Variants in LDB2 observed in about 807,000 individuals in gnomAD.
LDB2 encodes the protein LIM domain-binding protein 2.
Under a neutral mutation model 44.3 loss-of-function variants are expected in LDB2, and 12 were observed. The observed-to-expected ratio is 0.27, with a 90% CI of 0.17 to 0.44. The LOEUF (loss-of-function observed/expected upper bound fraction) is 0.44, where lower values mean the gene tolerates loss of function less well. Ranked by LOEUF, LDB2 falls within the 20% of genes least tolerant of loss-of-function variation. The pLI, the probability that LDB2 is intolerant of heterozygous loss-of-function variation, is 1.00. For missense variants in LDB2, 344 were observed against 473.5 expected, an observed-to-expected ratio of 0.73 and a Z score of 2.54; for synonymous variants, 164 against 174.8, an observed-to-expected ratio of 0.94 and a Z score of 0.49.
At chr4:16,892,976 GT>G (rs1297010855) in intron 1 of LDB2, 1 of 407,158 alleles carries the variant, frequency 2.5e-6, no homozygotes, top group Non-Finnish European at 3.3e-6. Context: ...TGAATAGTTA[GT>G]TTGCAGCAAT....
chr4:16,657,771 T>C (rs1047657012), intron 2 of LDB2, among the ~76,000 whole-genome samples: 53 of 152,240 alleles, frequency 3.5e-4, no homozygotes, highest in African/African-American at 1.2e-3. Flanking sequence ...AACGAATGAA[T>C]GGATGTAGAT....
At chr4:16,683,631 G>A (rs568011812) in intron 2 of LDB2, among the ~76,000 whole-genome samples, 3 of 152,338 alleles carry the variant, frequency 2.0e-5, no homozygotes, top group African/African-American at 7.2e-5. Context: ...TTCTATCAGT[G>A]AAGACCATTG....
Position 16,882,641 on chromosome 4 carries a change from C to T in LDB2, c.132+15713G>A, listed in dbSNP as rs190604061. ...GATTTCAGCTTCTAACGAAAAATGTCTTGACGTATCCTTTCAGACAAACAC... is the reference window on the plus strand; with the variant it reads ...GATTTCAGCTTCTAACGAAAAATGTTTTGACGTATCCTTTCAGACAAACAC... On this transcript the variant is annotated intron_variant, in intron 1 of 7. Transcript: ENST00000304523. Among the ~76,000 whole-genome samples, 11 of 152,242 alleles carry T rather than the reference C, an allele frequency of 7.2e-5. No homozygotes were observed. The East Asian group carries it at 1.5e-3, about 21-fold the overall frequency.
At chr4:16,758,713 C>G (rs1767220473) in intron 2 of LDB2, among the ~76,000 whole-genome samples, 1 of 152,144 alleles carries the variant, frequency 6.6e-6, no homozygotes, top group Admixed American at 6.5e-5. Flanking sequence ...TAGCACTTGT[C>G]AAATAAATAC....
At chr4:16,802,177 T>A (rs958515032) in intron 1 of LDB2, among the ~76,000 whole-genome samples, 2 of 152,182 alleles carry the variant, frequency 1.3e-5, no homozygotes, top group Non-Finnish European at 2.9e-5. Flanking sequence ...ACGCCCATCC[T>A]CTTTGTGGTG....
chr4:16,592,181 G>A (rs1719220092), intron 3 of LDB2, among the ~76,000 whole-genome samples: 1 of 152,036 alleles, frequency 6.6e-6, no homozygotes, highest in African/African-American at 2.4e-5. Context: ...AACTAAAAAA[G>A]AACATTTCTC....
intron 2 of LDB2, among the ~76,000 whole-genome samples, chr4:16,748,221 T>C (rs930529856): frequency 1.3e-5 from 2 of 152,222 alleles, no homozygotes; most frequent in South Asian, 2.1e-4. Flanking sequence ...TCCTGACTTG[T>C]TGAAAAGCCA....
intron 2 of LDB2, among the ~76,000 whole-genome samples, chr4:16,717,172 A>G: frequency 8.3e-6 from 1 of 120,448 alleles, no homozygotes; most frequent in African/African-American, 2.8e-5. Flanking sequence ...TAATAATAAT[A>G]ATAATAATAA....
intron 2 of LDB2, among the ~76,000 whole-genome samples, chr4:16,713,210 T>G (rs997751429): frequency 6.6e-6 from 1 of 152,228 alleles, no homozygotes; most frequent in Non-Finnish European, 1.5e-5. Context: ...AATGCAAATG[T>G]GCAGTCTGGG....
intron 2 of LDB2, among the ~76,000 whole-genome samples, chr4:16,611,890 C>T (rs1725745797): frequency 1.3e-5 from 2 of 152,152 alleles, no homozygotes; most frequent in Admixed American, 1.3e-4. Context: ...GAACTCTCTA[C>T]CCTAAATCAA....
intron 3 of LDB2, among the ~76,000 whole-genome samples, chr4:16,592,505 T>TATATATACAC (rs757702164): frequency 1.6e-3 from 175 of 107,784 alleles, no homozygotes; most frequent in African/African-American, 5.6e-3. Flanking sequence ...TATATATATA[T>TATATATACAC]ACACACACAC....
At chr4:16,602,671 T>G (rs1394959887) in intron 2 of LDB2, among the ~76,000 whole-genome samples, 1 of 152,142 alleles carries the variant, frequency 6.6e-6, no homozygotes, top group Non-Finnish European at 1.5e-5. Flanking sequence ...TTTTTGATCC[T>G]CTTATAAATA....
intron 1 of LDB2, among the ~76,000 whole-genome samples, chr4:16,769,152 C>T (rs184020364): frequency 4.2e-4 from 64 of 152,268 alleles, no homozygotes; most frequent in Admixed American, 3.6e-3. Flanking sequence ...CTATGGAATT[C>T]GGCTTGAAGA....
intron 2 of LDB2, among the ~76,000 whole-genome samples, chr4:16,605,088 AT>A (rs967937427): frequency 6.6e-6 from 1 of 152,214 alleles, no homozygotes; most frequent in Non-Finnish European, 1.5e-5. Flanking sequence ...CTAGTTCTAT[AT>A]TTTTTTAAAA....
At chr4:16,581,083 G>T (rs140272216) in intron 5 of LDB2, among the ~76,000 whole-genome samples, 1 of 152,174 alleles carries the variant, frequency 6.6e-6, no homozygotes, top group Non-Finnish European at 1.5e-5. Flanking sequence ...ATCAACTCCC[G>T]TGTGTTTTGA....
intron 1 of LDB2, among the ~76,000 whole-genome samples, chr4:16,774,307 T>G (rs1370112249): frequency 6.6e-6 from 1 of 152,156 alleles, no homozygotes; most frequent in African/African-American, 2.4e-5. Flanking sequence ...CCTTCCAACC[T>G]GCAGAAAAGT....
At chr4:16,763,441 C>A (rs1768429011) in intron 1 of LDB2, among the ~76,000 whole-genome samples, 1 of 129,926 alleles carries the variant, frequency 7.7e-6, no homozygotes, top group African/African-American at 3.3e-5. Flanking sequence ...TAAACACGTA[C>A]ACACACACAC....
chr4:16,742,074 C>CTTTTTTTTTTTTTTTTTTT (rs33990510), intron 2 of LDB2, among the ~76,000 whole-genome samples: 10 of 128,308 alleles, frequency 7.8e-5, no homozygotes, highest in Non-Finnish European at 9.6e-5. Flanking sequence ...CTTTTCTTTT[C>CTTTTTTTTTTTTTTTTTTT]TTTTTTTTTT....
intron 2 of LDB2, among the ~76,000 whole-genome samples, chr4:16,644,434 T>C (rs1246810050): frequency 6.6e-6 from 1 of 151,518 alleles, no homozygotes; most frequent in Non-Finnish European, 1.5e-5. Flanking sequence ...TTTTTCTTTT[T>C]TTTTTTTTTT....
Sources: gnomAD v4.1 joint callset for allele counts (sites outside exome capture counted in the v4.1 genomes callset) on GRCh38, gnomAD v4.1.1 for gene constraint, MANE v1.5 for transcripts, NCBI Gene and HGNC (gene_info 2026-07-23, HGNC 2026-07-21) for gene names.